The following COX7B2 variants were observed in gnomAD, a reference collection of about 807,000 sequenced individuals.
COX7B2 encodes cytochrome c oxidase subunit 7B2, mitochondrial.
For missense variants in COX7B2, 109 were observed against 95.9 expected (o/e 1.14, Z -0.57); for synonymous variants, 37 against 32.1 (o/e 1.15, Z -0.51).
At chr4:46,832,650 C>T (rs770235865) in intron 2 of COX7B2, among the ~76,000 whole-genome samples, 2 of 152,012 alleles carry the variant, frequency 1.3e-5, no homozygotes, top group Admixed American at 6.6e-5. Context: ...AGGTGATTGG[C>T]GCATGGAGGC....
chr4:46,853,092 C>CATTGATTG (rs570010378), intron 1 of COX7B2, among the ~76,000 whole-genome samples: 1 of 152,034 alleles, frequency 6.6e-6, no homozygotes, highest in African/African-American at 2.4e-5. Flanking sequence ...CAAGGTTATG[C>CATTGATTG]ATTGATTGAT....
intron 2 of COX7B2, among the ~76,000 whole-genome samples, chr4:46,832,649 G>T (rs185236641): frequency 6.6e-6 from 1 of 152,228 alleles, no homozygotes; most frequent in East Asian, 1.9e-4. Context: ...GAGGTGATTG[G>T]CGCATGGAGG....
chr4:46,872,459 C>T (rs1718052588), intron 1 of COX7B2, among the ~76,000 whole-genome samples: 1 of 152,014 alleles, frequency 6.6e-6, no homozygotes, highest in South Asian at 2.1e-4. Context: ...CACATGTACC[C>T]CTGAACCTAA....
chr4:46,775,867 A>AGGG (rs1010505535), intron 2 of COX7B2, among the ~76,000 whole-genome samples: 24 of 152,162 alleles, frequency 1.6e-4, no homozygotes, highest in African/African-American at 5.8e-4. Flanking sequence ...GAGGTGTTCA[A>AGGG]AGAGGCCTGA....
chr4:46,805,094 C>T (rs1315268058), intron 2 of COX7B2, among the ~76,000 whole-genome samples: 1 of 152,228 alleles, frequency 6.6e-6, no homozygotes. Context: ...GAGTGCAGGA[C>T]CCGCCAAGCC....
intron 1 of COX7B2, among the ~76,000 whole-genome samples, chr4:46,899,417 T>C (rs1053222250): frequency 3.9e-5 from 6 of 152,174 alleles, no homozygotes; most frequent in African/African-American, 1.4e-4. Flanking sequence ...AGTAAGAGAA[T>C]AGATTCAGTC....
intron 2 of COX7B2, among the ~76,000 whole-genome samples, chr4:46,768,240 G>A (rs1043838113): frequency 3.9e-5 from 6 of 152,208 alleles, no homozygotes; most frequent in Admixed American, 2.0e-4. Context: ...ACTGAGCGAT[G>A]GAAGTGGCTC....
At chr4:46,750,217 C>T (rs969212344) in intron 2 of COX7B2, among the ~76,000 whole-genome samples, 156 of 150,370 alleles carry the variant, frequency 1.0e-3, no homozygotes, top group African/African-American at 3.7e-3. Context: ...CACACACACA[C>T]ACACACACAC....
chr4:46,830,685 C>A (rs533755652), intron 2 of COX7B2, among the ~76,000 whole-genome samples: 1 of 152,316 alleles, frequency 6.6e-6, no homozygotes, highest in East Asian at 1.9e-4. Flanking sequence ...AGTGGCTTAA[C>A]ACAATAGATG....
chr4:46,857,870 T>G (rs1288401865), intron 1 of COX7B2, among the ~76,000 whole-genome samples: 3 of 152,140 alleles, frequency 2.0e-5, no homozygotes, highest in South Asian at 2.1e-4. Flanking sequence ...TTTGTGTTGT[T>G]TTGTTTTGTT....
chr4:46,765,154 G>GA (rs1276708461), intron 2 of COX7B2, among the ~76,000 whole-genome samples: 1 of 151,684 alleles, frequency 6.6e-6, no homozygotes, highest in Non-Finnish European at 1.5e-5. Flanking sequence ...ATCCATGCAT[G>GA]AAAAAAAACA....
At chr4:46,897,941 C>T (rs906375487) in intron 1 of COX7B2, among the ~76,000 whole-genome samples, 1 of 152,178 alleles carries the variant, frequency 6.6e-6, no homozygotes, top group African/African-American at 2.4e-5. Context: ...CCTAACTATG[C>T]TGGCTATGTT....
intron 1 of COX7B2, among the ~76,000 whole-genome samples, chr4:46,873,591 A>G (rs950061649): frequency 3.3e-5 from 5 of 152,146 alleles, no homozygotes; most frequent in Non-Finnish European, 5.9e-5. Flanking sequence ...ATTTTTTCAT[A>G]TATCTGTTGG....
intron 2 of COX7B2, among the ~76,000 whole-genome samples, chr4:46,776,019 A>G (rs751921791): frequency 6.6e-5 from 10 of 152,170 alleles, no homozygotes; most frequent in Admixed American, 2.6e-4. Flanking sequence ...ATCTAAAGAT[A>G]TATTTATTGT....
chr4:46,758,981 T>C (rs1454194368), intron 2 of COX7B2, among the ~76,000 whole-genome samples: 1 of 152,056 alleles, frequency 6.6e-6, no homozygotes, highest in Admixed American at 6.6e-5. Context: ...TGGTGAAAAA[T>C]AGTGAATAAG....
At chr4:46,815,599 C>T (rs1202673373) in intron 2 of COX7B2, among the ~76,000 whole-genome samples, 1 of 152,010 alleles carries the variant, frequency 6.6e-6, no homozygotes, top group African/African-American at 2.4e-5. Context: ...TCTGTATTCT[C>T]CTACAGCTGC....
chr4:46,743,377 C>G (rs547017230), intron 2 of COX7B2, among the ~76,000 whole-genome samples: 1 of 152,094 alleles, frequency 6.6e-6, no homozygotes, highest in African/African-American at 2.4e-5. Context: ...GAGAATCTGT[C>G]TCATGCTAAT....
chr4:46,771,006 A>G (rs1378075768), intron 2 of COX7B2, among the ~76,000 whole-genome samples: 2 of 152,196 alleles, frequency 1.3e-5, no homozygotes, highest in South Asian at 2.1e-4. Context: ...TTTGCAAAGC[A>G]AATCAACTGT....
intron 1 of COX7B2, among the ~76,000 whole-genome samples, chr4:46,860,898 G>A (rs756571443): frequency 6.6e-6 from 1 of 152,042 alleles, no homozygotes; most frequent in Non-Finnish European, 1.5e-5. Flanking sequence ...TGGTCTTTGG[G>A]GTTCACTCTT....
Sources: allele counts gnomAD v4.1 joint callset (sites outside exome capture counted in the v4.1 genomes callset), GRCh38; gene constraint gnomAD v4.1.1; transcripts MANE v1.5; gene names NCBI Gene and HGNC (gene_info 2026-07-23, HGNC 2026-07-21).